The following TRPM3 variants were observed in gnomAD, a reference collection of about 807,000 sequenced individuals.
The protein encoded by TRPM3 is long transient receptor potential channel 3.
In TRPM3, 77 loss-of-function variants were observed where a neutral mutation model predicts 181.2. The observed-to-expected ratio is 0.42, with a 90% CI of 0.35 to 0.51. The LOEUF is 0.51. Ranked by LOEUF, TRPM3 falls within the 20% of genes least tolerant of loss-of-function variation. TRPM3 has a pLI of 0.01. For missense variants in TRPM3, 1,759 were observed against 2,196.7 expected (o/e 0.80, Z 3.98); for synonymous variants, 745 against 796.4 (o/e 0.94, Z 1.09).
At chr9:71,010,908 A>C in intron 1 of TRPM3, among the ~76,000 whole-genome samples, 1 of 138,242 alleles carries the variant, frequency 7.2e-6, no homozygotes, top group Admixed American at 8.0e-5. Flanking sequence ...TTTATAAAGA[A>C]AATGACACAC....
At chr9:71,322,580 C>T (rs2089327691) in intron 1 of TRPM3, among the ~76,000 whole-genome samples, 1 of 152,032 alleles carries the variant, frequency 6.6e-6, no homozygotes, top group African/African-American at 2.4e-5. Context: ...AATACTGTTT[C>T]ACGGACAACA....
At position 71,290,828 on chromosome 9, in the gene TRPM3, T is replaced by C. The variant is rs145423511; in HGVS notation, c.183+155825A>G. Among the ~76,000 whole-genome samples the C allele has an allele frequency of 1.2e-4, 18 of 152,096 alleles. No homozygotes were observed. The East Asian group carries it at 3.3e-3, about 28-fold the overall frequency. On this transcript the variant is annotated intron_variant, in intron 1 of 24. Coordinates refer to the TRPM3 transcript ENST00000357533. ...TGTTAAATATGCTTATTAAACTGTA[T>C]AGGACCTAAAAGAATGACATAAGTG...
chr9:71,052,759 G>A (rs1248798783), intron 1 of TRPM3, among the ~76,000 whole-genome samples: 3 of 151,992 alleles, frequency 2.0e-5, no homozygotes, highest in Non-Finnish European at 4.4e-5. Context: ...GTATCTAGGA[G>A]TTTGCTGAAA....
chr9:70,590,915 A>C (rs1331015301), intron 22 of TRPM3, 116 bp downstream of exon 22: 1 of 1,379,188 alleles, frequency 7.3e-7, no homozygotes, highest in African/African-American at 1.4e-5. Flanking sequence ...CAAGCTAGGA[A>C]TCAGTCCTCT....
In TRPM3 at chr9:70,613,133, G is replaced by A. The variant is rs75289101; in HGVS notation, c.2527-2384C>T. Among the ~76,000 whole-genome samples the A allele has an allele frequency of 7.1e-3, 1,077 of 152,284 alleles. 11 individuals are homozygous for A. Among genetic ancestry groups the A allele is most frequent in the African/African-American group, 0.025 (1,023 of 41,546 alleles). Reference sequence around the variant, plus strand: ...ATTTGTAAAAGGCTTGTCTTTCACGGGTTTAAGTAAAGCATTTTTGACATT... The same window carrying A: ...ATTTGTAAAAGGCTTGTCTTTCACGAGTTTAAGTAAAGCATTTTTGACATT... On this transcript the variant is annotated intron_variant, in intron 18 of 25. Transcript: ENST00000677713.
intron 1 of TRPM3, among the ~76,000 whole-genome samples, chr9:71,030,235 A>G (rs2057113829): frequency 6.6e-6 from 1 of 152,202 alleles, no homozygotes; most frequent in Admixed American, 6.5e-5. Context: ...ATATTTTGCC[A>G]TTGCAAATTA....
chr9:71,435,668 A>C (rs1428631977), intron 1 of TRPM3, among the ~76,000 whole-genome samples: 1 of 152,238 alleles, frequency 6.6e-6, no homozygotes, highest in Admixed American at 6.5e-5. Context: ...AACAAATCAA[A>C]AAGTAATATC....
intron 22 of TRPM3, among the ~76,000 whole-genome samples, chr9:70,569,474 C>T (rs2051612677): frequency 6.6e-6 from 1 of 152,116 alleles, no homozygotes; most frequent in South Asian, 2.1e-4. Context: ...TTTCACGTGA[C>T]TAGGTGATTG....
At chr9:71,440,753 T>C (rs539321624) in intron 1 of TRPM3, among the ~76,000 whole-genome samples, 66 of 152,398 alleles carry the variant, frequency 4.3e-4, no homozygotes, top group Non-Finnish European at 7.6e-4. Context: ...GTTAGATGAA[T>C]GTTTCTTTAA....
intron 1 of TRPM3, among the ~76,000 whole-genome samples, chr9:71,114,860 C>T (rs1385995361): frequency 6.6e-6 from 1 of 152,112 alleles, no homozygotes; most frequent in East Asian, 1.9e-4. Context: ...TCGTTCACAA[C>T]CATATCTCCA....
intron 1 of TRPM3, among the ~76,000 whole-genome samples, chr9:71,043,387 T>C (rs1422788328): frequency 6.6e-6 from 1 of 152,166 alleles, no homozygotes; most frequent in Non-Finnish European, 1.5e-5. Flanking sequence ...AAGTCTCAGC[T>C]ACCAGAGCAA....
chr9:70,768,663 A>T (rs1009299493), intron 7 of TRPM3, among the ~76,000 whole-genome samples: 1 of 151,990 alleles, frequency 6.6e-6, no homozygotes, highest in African/African-American at 2.4e-5. Context: ...GCTCACATCG[A>T]TAATCCCAGT....
chr9:71,019,655 C>G (rs998563849), intron 1 of TRPM3, among the ~76,000 whole-genome samples: 2 of 151,924 alleles, frequency 1.3e-5, no homozygotes, highest in African/African-American at 4.8e-5. Context: ...CAAATCTCTG[C>G]AAATTGACCT....
chr9:71,120,220 C>G (rs1454563806), intron 1 of TRPM3, among the ~76,000 whole-genome samples: 1 of 152,174 alleles, frequency 6.6e-6, no homozygotes, highest in Admixed American at 6.5e-5. Flanking sequence ...AAAGAGCATA[C>G]ATACTCAGGA....
intron 1 of TRPM3, among the ~76,000 whole-genome samples, chr9:70,994,819 C>T (rs976429426): frequency 2.0e-5 from 3 of 152,200 alleles, no homozygotes; most frequent in African/African-American, 7.2e-5. Flanking sequence ...AACCCTCAGC[C>T]TCTTTGGATG....
intron 1 of TRPM3, among the ~76,000 whole-genome samples, chr9:71,177,775 A>G (rs1216139994): frequency 6.6e-6 from 1 of 152,090 alleles, no homozygotes; most frequent in East Asian, 1.9e-4. Context: ...CTTTAGGACT[A>G]GCACACTAAG....
intron 1 of TRPM3, among the ~76,000 whole-genome samples, chr9:71,131,897 C>A (rs1404898114): frequency 6.6e-6 from 1 of 152,128 alleles, no homozygotes; most frequent in Non-Finnish European, 1.5e-5. Flanking sequence ...AATTCAATTG[C>A]CACTCATTAA....
intron 1 of TRPM3, among the ~76,000 whole-genome samples, chr9:71,290,184 G>A (rs966029163): frequency 6.6e-6 from 1 of 152,008 alleles, no homozygotes; most frequent in Non-Finnish European, 1.5e-5. Flanking sequence ...TAGGTGATAC[G>A]TGAAAAGGTA....
At chr9:71,365,802 T>C (rs1370590503) in intron 1 of TRPM3, among the ~76,000 whole-genome samples, 2 of 152,152 alleles carry the variant, frequency 1.3e-5, no homozygotes, top group Non-Finnish European at 2.9e-5. Context: ...ATAGCACCTA[T>C]TGTTCTAAAT....
Sources: allele counts gnomAD v4.1 joint callset (sites outside exome capture counted in the v4.1 genomes callset), GRCh38; gene constraint gnomAD v4.1.1; transcripts MANE v1.5; gene names NCBI Gene and HGNC (gene_info 2026-07-23, HGNC 2026-07-21).